Variants in INPP5A observed in about 807,000 individuals in gnomAD.
INPP5A encodes 43 kDa inositol polyphosphate 5-phophatase.
INPP5A carries 14 observed loss-of-function variants against 65.2 expected under a neutral mutation model. The ratio of observed to expected loss-of-function variants is 0.21; its 90% CI spans 0.14 to 0.34. The LOEUF (loss-of-function observed/expected upper bound fraction) is 0.34, where lower values mean the gene tolerates loss of function less well. INPP5A is among the 10% of genes least tolerant of loss of function. The pLI is 1.00. For synonymous variants in INPP5A, 207 were observed against 208.3 expected (o/e 0.99, Z 0.05); for missense variants, 431 against 545.6 (o/e 0.79, Z 2.09).
chr10:132,721,996 G>C (rs1368392511), intron 8 of INPP5A, among the ~76,000 whole-genome samples: 1 of 152,164 alleles, frequency 6.6e-6, no homozygotes, highest in African/African-American at 2.4e-5. Flanking sequence ...TTATTTTGGG[G>C]GGATGAGTTT....
At chr10:132,760,823 G>T (rs1314902607) in intron 11 of INPP5A, among the ~76,000 whole-genome samples, 1 of 152,226 alleles carries the variant, frequency 6.6e-6, no homozygotes. Context: ...CCTGAGGGGA[G>T]TTTGAGGAGA....
chr10:132,610,309 C>A (rs1381089595), intron 2 of INPP5A, among the ~76,000 whole-genome samples: 1 of 152,232 alleles, frequency 6.6e-6, no homozygotes, highest in Non-Finnish European at 1.5e-5. Context: ...GCGTGGCCCC[C>A]CGAATCCTGG....
chr10:132,687,478 G>C (rs145898482), intron 4 of INPP5A, among the ~76,000 whole-genome samples: 120 of 152,368 alleles, frequency 7.9e-4, no homozygotes, highest in African/African-American at 2.8e-3. Context: ...CAGGCACACA[G>C]GTTCTCCCAC....
Position 132,755,522 on chromosome 10 carries a change from G to C in INPP5A, c.903+5677G>C, listed in dbSNP as rs545926257. Among the ~76,000 whole-genome samples the C allele has an allele frequency of 1.5e-3, 220 of 146,894 alleles. 2 individuals carry two copies. Among genetic ancestry groups the C allele is most frequent in the African/African-American group, 5.2e-3 (195 of 37,654 alleles). Reference sequence around the variant, plus strand: ...TGTGCATGAGAGCAGGTGTGAGCGAGTGTGTGAGCAGGCATATGCATATGA... The same window carrying C: ...TGTGCATGAGAGCAGGTGTGAGCGACTGTGTGAGCAGGCATATGCATATGA... On this transcript the variant is annotated intron_variant, in intron 11 of 15. Transcript: ENST00000368594.
rs183773907 is a variant in INPP5A, at chr10:132,677,454, T to G, written c.307-12938T>G. Among the ~76,000 whole-genome samples the G allele has an allele frequency of 2.4e-3, 364 of 152,356 alleles. 4 individuals are homozygous for G. Among genetic ancestry groups the G allele is most frequent in the African/African-American group, 7.4e-3 (306 of 41,582 alleles). ...GAATGTGAGTGGTGACTGAATTCTC[T>G]CAGCAAGGGTGGGTGTCCTTAGACC... On this transcript the variant is annotated intron_variant, in intron 4 of 15. Coordinates refer to ENST00000368594, the MANE Select transcript of INPP5A (RefSeq NM_005539.5).
In INPP5A at chr10:132,650,367, T is replaced by A; in HGVS notation, c.219-51T>A. The A allele has an allele frequency of 7.9e-7, 1 of 1,266,590 alleles. No homozygotes were observed. 78.5% of individuals were successfully genotyped at this position (1,266,590 alleles called of 1,614,324 possible). A position where few individuals can be genotyped will look rare whatever the true frequency, so the allele number is the denominator to read the frequency against. On this transcript the variant is annotated intron_variant, in intron 3 of 15. Transcript: ENST00000368594. The surrounding 1 kb of genome is among the most constrained non-coding windows in gnomAD (Gnocchi z 5.5). The stretch of plus-strand genomic sequence containing the variant: ...TATACCTTGTGGTCATCTCATGAGG[T>A]GCAAGGCGTCTGTGTGGCTTTTCCT...
intron 9 of INPP5A, among the ~76,000 whole-genome samples, chr10:132,733,365 A>T (rs1158988975): frequency 6.6e-6 from 1 of 152,230 alleles, no homozygotes; most frequent in Non-Finnish European, 1.5e-5. Context: ...ACTAGCACAG[A>T]AAACGTTTCT....
intron 14 of INPP5A, among the ~76,000 whole-genome samples, chr10:132,781,637 A>G (rs1365356309): frequency 1.3e-5 from 2 of 152,156 alleles, no homozygotes; most frequent in Non-Finnish European, 1.5e-5. Context: ...AAAACCTCTC[A>G]TGGCCGGCCT....
At chr10:132,747,491 G>A (rs549927906) in intron 9 of INPP5A, among the ~76,000 whole-genome samples, 50 of 152,362 alleles carry the variant, frequency 3.3e-4, no homozygotes, top group South Asian at 8.3e-4. Context: ...GCAAGAGGCG[G>A]GTCGGGCTGC....
At chr10:132,540,784 T>C (rs921531353) in intron 1 of INPP5A, among the ~76,000 whole-genome samples, 3 of 152,220 alleles carry the variant, frequency 2.0e-5, no homozygotes, top group African/African-American at 7.2e-5. Flanking sequence ...AAGGAATCTT[T>C]CTCGCCCAGT....
At chr10:132,716,475 A>G (rs1845741924) in intron 8 of INPP5A, among the ~76,000 whole-genome samples, 1 of 152,192 alleles carries the variant, frequency 6.6e-6, no homozygotes, top group African/African-American at 2.4e-5. Flanking sequence ...CGTCTCCACG[A>G]GCTCCAGCCA....
chr10:132,688,599 G>T (rs554831432), intron 4 of INPP5A, among the ~76,000 whole-genome samples: 1 of 152,068 alleles, frequency 6.6e-6, no homozygotes, highest in South Asian at 2.1e-4. Flanking sequence ...GCATGAGTGC[G>T]TGTGTGCAAG....
intron 4 of INPP5A, among the ~76,000 whole-genome samples, chr10:132,655,606 G>T (rs1305597950): frequency 1.3e-5 from 2 of 152,202 alleles, no homozygotes; most frequent in African/African-American, 4.8e-5. Context: ...TGAGGAAGAG[G>T]TTGCAAATTC....
chr10:132,577,222 T>TCC (rs1274847678), intron 1 of INPP5A, among the ~76,000 whole-genome samples: 2 of 150,704 alleles, frequency 1.3e-5, no homozygotes, highest in African/African-American at 2.4e-5. Context: ...GGTGGGTTGC[T>TCC]CCCCCCCGGC....
At chr10:132,722,009 T>G (rs562426172) in intron 8 of INPP5A, among the ~76,000 whole-genome samples, 32 of 152,290 alleles carry the variant, frequency 2.1e-4, no homozygotes, top group South Asian at 8.3e-4. Context: ...ATGAGTTTAT[T>G]TAAAGTGGCT....
intron 13 of INPP5A, among the ~76,000 whole-genome samples, 169 bp from the exon 14 acceptor site, chr10:132,780,680 C>G (rs1055559990): frequency 3.3e-5 from 5 of 152,282 alleles, no homozygotes; most frequent in Non-Finnish European, 7.3e-5. Flanking sequence ...GCTGGCCTCT[C>G]TCTCAGGGGC....
chr10:132,648,188 G>A (rs570059453), intron 3 of INPP5A, among the ~76,000 whole-genome samples: 1 of 152,388 alleles, frequency 6.6e-6, no homozygotes, highest in East Asian at 1.9e-4. Context: ...TTCCAGAGGA[G>A]AGAAAGTGGG....
At chr10:132,645,763 A>G in intron 2 of INPP5A, 105 bp from the exon 3 acceptor site, 1 of 842,562 alleles carries the variant, frequency 1.2e-6, no homozygotes, top group East Asian at 2.7e-5. Context: ...CGTCTCTGCC[A>G]GACCCTGGTG....
intron 9 of INPP5A, among the ~76,000 whole-genome samples, chr10:132,739,685 G>A (rs974204614): frequency 1.3e-5 from 2 of 152,236 alleles, no homozygotes; most frequent in African/African-American, 4.8e-5. Context: ...AGCTGCACAC[G>A]TGTGTGCCAT....
Sources: gnomAD v4.1 joint callset for allele counts (sites outside exome capture counted in the v4.1 genomes callset) on GRCh38, gnomAD v4.1.1 for gene constraint, Gnocchi (gnomAD v3.1) non-coding constraint, MANE v1.5 for transcripts, NCBI Gene and HGNC (gene_info 2026-07-23, HGNC 2026-07-21) for gene names.